Variants in MCPH1 observed in about 807,000 individuals in gnomAD.
MCPH1 encodes the protein microcephalin.
MCPH1 carries 104 observed loss-of-function variants against 84.5 expected under a neutral mutation model. The ratio of observed to expected loss-of-function variants is 1.23; its 90% confidence interval spans 1.05 to 1.45. The LOEUF (loss-of-function observed/expected upper bound fraction) is 1.45, where lower values mean the gene tolerates loss of function less well. MCPH1 is among the 40% of genes most tolerant of loss of function. MCPH1 has a pLI of 0.00. For missense variants in MCPH1, 1,498 were observed against 1,005.7 expected (o/e 1.49, Z -6.62); for synonymous variants, 514 against 366.8 (o/e 1.40, Z -4.58).
chr8:6,568,678 C>G (rs1826417090), intron 12 of MCPH1, among the ~76,000 whole-genome samples: 1 of 152,206 alleles, frequency 6.6e-6, no homozygotes, highest in African/African-American at 2.4e-5. Context: ...CTTAAAGGCA[C>G]ATTGCTGCCC....
chr8:6,543,308 G>A (rs983045193), intron 12 of MCPH1, among the ~76,000 whole-genome samples: 1 of 152,186 alleles, frequency 6.6e-6, no homozygotes, highest in African/African-American at 2.4e-5. Context: ...GTCCGCAAAT[G>A]TGTTTGTACA....
intron 12 of MCPH1, chr8:6,503,396 A>G (rs1812592052): frequency 1.2e-6 from 1 of 828,420 alleles, no homozygotes; most frequent in African/African-American, 1.7e-5. Context: ...TGGTGAGTAT[A>G]GGATGTGCAC....
At chr8:6,511,378 C>G (rs1424101619) in intron 12 of MCPH1, among the ~76,000 whole-genome samples, 1 of 151,832 alleles carries the variant, frequency 6.6e-6, no homozygotes, top group South Asian at 2.1e-4. Flanking sequence ...ACAATTAAAC[C>G]TCAGTGTTAT....
intron 8 of MCPH1, among the ~76,000 whole-genome samples, chr8:6,448,503 G>A (rs1867385): frequency 0.67 from 101,696 of 152,094 alleles, 37,981 homozygotes; most frequent in Non-Finnish European, 0.81. Flanking sequence ...GAACAGGGGA[G>A]CAACCAAATC....
At chr8:6,425,423 A>G (rs988452889) in intron 3 of MCPH1, among the ~76,000 whole-genome samples, 1 of 152,180 alleles carries the variant, frequency 6.6e-6, no homozygotes, top group Non-Finnish European at 1.5e-5. Context: ...AGCAGCTTTA[A>G]TGTGTTACCA....
rs901953101 is a variant in MCPH1, at chr8:6,622,170, G to A, written c.2452+479G>A. The A allele has an allele frequency of 7.7e-5, 16 of 207,214 alleles. No individual in the cohort carries two copies. The East Asian group carries it at 1.6e-3, about 21-fold the overall frequency. The allele number at this position is 207,214 out of a possible 1,614,324, so 12.8% of individuals were successfully genotyped here. On this transcript the variant is annotated intron_variant, in intron 13 of 13. Coordinates refer to ENST00000344683, the MANE Select transcript of MCPH1 (RefSeq NM_024596.5). Reference sequence around the variant, plus strand: ...ATGTGCTCAAAGGGTGTTAAAAGACGTCAAACGACTCCATCTTTTATTTGA... The same window carrying A: ...ATGTGCTCAAAGGGTGTTAAAAGACATCAAACGACTCCATCTTTTATTTGA...
chr8:6,408,311 C>CA (rs543089450), intron 1 of MCPH1, among the ~76,000 whole-genome samples: 9 of 152,278 alleles, frequency 5.9e-5, no homozygotes, highest in African/African-American at 1.7e-4. Context: ...ATAGCTCAAG[C>CA]AATTCTGCTT....
At chr8:6,481,344 A>G (rs1378707312) in intron 11 of MCPH1, among the ~76,000 whole-genome samples, 2 of 152,226 alleles carry the variant, frequency 1.3e-5, no homozygotes, top group Non-Finnish European at 2.9e-5. Context: ...TCCTATGTAT[A>G]TCTATCTGTA....
At chr8:6,416,520 A>G (rs907707567) in intron 3 of MCPH1, among the ~76,000 whole-genome samples, 3 of 152,172 alleles carry the variant, frequency 2.0e-5, no homozygotes, top group South Asian at 2.1e-4. Context: ...GTTTCTGATT[A>G]TTAAAGGAAG....
chr8:6,523,874 A>G (rs991588971), intron 12 of MCPH1, among the ~76,000 whole-genome samples: 59 of 146,296 alleles, frequency 4.0e-4, no homozygotes, highest in African/African-American at 1.4e-3. Context: ...GGCATGAGCC[A>G]CCGTGCCTGG....
chr8:6,415,449 G>A (rs1196914456), intron 3 of MCPH1, among the ~76,000 whole-genome samples: 1 of 151,946 alleles, frequency 6.6e-6, no homozygotes, highest in Admixed American at 6.6e-5. Context: ...TGCCTCCTGG[G>A]CTCAAGTGAT....
chr8:6,550,526 T>C (rs1050885172), intron 12 of MCPH1, among the ~76,000 whole-genome samples: 1 of 152,210 alleles, frequency 6.6e-6, no homozygotes, highest in Non-Finnish European at 1.5e-5. Context: ...TGCTCACCAT[T>C]TCCCAGATTT....
chr8:6,437,708 G>A (rs1483666329), intron 5 of MCPH1, among the ~76,000 whole-genome samples: 3 of 152,068 alleles, frequency 2.0e-5, no homozygotes, highest in East Asian at 1.9e-4. Flanking sequence ...TCTCGTCTTC[G>A]TCAAAGCTCA....
intron 11 of MCPH1, among the ~76,000 whole-genome samples, chr8:6,485,567 C>G (rs1207918351): frequency 2.6e-5 from 4 of 151,702 alleles, no homozygotes; most frequent in East Asian, 1.9e-4. Context: ...ATAACTTTCT[C>G]TAAATTGCTC....
At chr8:6,406,760 T>G (rs1797752906) in intron 1 of MCPH1, 71 bp downstream of exon 1, 12 of 1,555,164 alleles carry the variant, frequency 7.7e-6, no homozygotes, top group Admixed American at 6.9e-5. Context: ...GCGGGCGCAC[T>G]CGGGGGATCC....
At position 6,480,714 on chromosome 8, in the gene MCPH1, A is replaced by G. The variant is rs1309335763; in HGVS notation, c.1974A>G (p.Glu658=). ...GTTAATTTTTCCCCCGATTTGACAG[A>G]AAGCAGAATGTCGTCATCCAGGTTG... is the stretch of plus-strand genomic sequence containing the variant. The part of the protein sequence containing the change: ...RTLVMTSMPS[E]KQNVVIQVVD... Residue 658 remains glutamate, a splice_region_variant and synonymous_variant, in exon 11 of 14, where the codon GAA becomes GAG. Coordinates refer to ENST00000344683, the MANE Select transcript of MCPH1 (RefSeq NM_024596.5). 2.5e-6 allele frequency: 4 copies of G among 1,614,168 alleles called. No homozygotes were observed. The highest frequency in any genetic ancestry group is 2.5e-6 in the Non-Finnish European group (3 of 1,180,014).
intron 13 of MCPH1, among the ~76,000 whole-genome samples, chr8:6,628,541 C>T (rs541033437): frequency 1.3e-5 from 2 of 149,382 alleles, no homozygotes; most frequent in South Asian, 4.3e-4. Context: ...AGTCAGCTGT[C>T]TATTCAATTC....
chr8:6,448,670 A>G (rs1404508437), intron 8 of MCPH1, among the ~76,000 whole-genome samples: 1 of 152,224 alleles, frequency 6.6e-6, no homozygotes, highest in African/African-American at 2.4e-5. Flanking sequence ...TAGATATTTT[A>G]AGAGAATTTT....
rs1475345162 is a variant in MCPH1 at position 6,609,828 on chromosome 8, C to CCCACA, written c.2215-11625_2215-11624insCACAC. On this transcript the variant is annotated intron_variant, in intron 12 of 13. Transcript: ENST00000344683. ...CAAAGCAATGCCCCCCGCCCCCCCC[C>CCCACA]CACACACAGACTGCCAGGTAAACCA... 5.7e-4 allele frequency among the ~76,000 whole-genome samples: 62 copies of CCCACA among 108,798 alleles called. 3 individuals carry two copies. Among genetic ancestry groups the CCCACA allele is most frequent in the Admixed American group, 7.8e-4 (9 of 11,574 alleles). The allele number at this position is 108,798 out of a possible 152,430, so 71.4% of individuals were successfully genotyped here.
Sources: allele counts gnomAD v4.1 joint callset (sites outside exome capture counted in the v4.1 genomes callset), GRCh38; gene constraint gnomAD v4.1.1; transcripts MANE v1.5; gene names NCBI Gene and HGNC (gene_info 2026-07-23, HGNC 2026-07-21).